The following BCO1 variants were observed in gnomAD, a reference collection of about 807,000 sequenced individuals.
The protein encoded by BCO1 is beta,beta-carotene 15,15'-dioxygenase.
A neutral mutation model predicts 56.3 loss-of-function variants in BCO1; 54 were observed. That is an observed-to-expected ratio of 0.96 (90% CI 0.77 to 1.20). The LOEUF is 1.20. BCO1 is among the 50% of genes most tolerant of loss of function. The pLI, the probability that BCO1 is intolerant of heterozygous loss-of-function variation, is 0.00. For synonymous variants in BCO1, 318 were observed against 266.1 expected, an observed-to-expected ratio of 1.20 and a Z score of -1.90; for missense variants, 801 against 690.9, an observed-to-expected ratio of 1.16 and a Z score of -1.79.
At chr16:81,278,453 G>A (rs1907683691) in intron 7 of BCO1, among the ~76,000 whole-genome samples, 1 of 152,172 alleles carries the variant, frequency 6.6e-6, no homozygotes, top group Non-Finnish European at 1.5e-5. Flanking sequence ...CCCCTTGACA[G>A]CCCAAAGAAA....
At chr16:81,251,852 GCACACACACA>G (rs747747653) in intron 2 of BCO1, among the ~76,000 whole-genome samples, 148 of 140,924 alleles carry the variant, frequency 1.1e-3, no homozygotes, top group Admixed American at 1.7e-3. Context: ...ACACACACAC[GCACACACACA>G]CACACACATA....
At chr16:81,270,477 T>C in intron 7 of BCO1, 61 bp downstream of exon 7, 1 of 1,603,456 alleles carries the variant, frequency 6.2e-7, no homozygotes, top group East Asian at 2.2e-5. Context: ...GGTGGGAAGT[T>C]ACTTTGGCCC....
intron 5 of BCO1, among the ~76,000 whole-genome samples, chr16:81,267,704 T>C (rs1906914854): frequency 6.6e-6 from 1 of 152,060 alleles, no homozygotes. Context: ...GGTTTTCAGA[T>C]TGTATATGGG....
intron 7 of BCO1, among the ~76,000 whole-genome samples, chr16:81,276,838 A>T (rs1907585125): frequency 1.3e-5 from 2 of 152,132 alleles, no homozygotes; most frequent in African/African-American, 4.8e-5. Context: ...AGGCCAAGCC[A>T]GGCAGATCAC....
In BCO1 at chr16:81,287,269, T is replaced by C. The variant is rs769083661; in HGVS notation, c.1303-26T>C. ...AGTATTCTCTCAAACAAGTCATTTATGTGTTTTTCCTCGTTGGATGTACAG... is the reference window on the plus strand; with the variant it reads ...AGTATTCTCTCAAACAAGTCATTTACGTGTTTTTCCTCGTTGGATGTACAG... On this transcript the variant is annotated intron_variant, in intron 9 of 10. Coordinates refer to ENST00000258168, the MANE Select transcript of BCO1 (RefSeq NM_017429.3). 5.3e-6 allele frequency: 8 copies of C among 1,499,902 alleles called. No homozygotes were observed. In the Admixed American group the frequency reaches 6.7e-5, roughly 13 times the overall value. 92.9% of individuals were successfully genotyped at this position (1,499,902 alleles called of 1,614,324 possible).
intron 2 of BCO1, 113 bp downstream of exon 2, chr16:81,245,716 G>C (rs144914728): frequency 2.2e-6 from 3 of 1,372,018 alleles, no homozygotes; most frequent in Admixed American, 3.9e-5. Context: ...AGTCTAAATC[G>C]GGTCTCACTG....
chr16:81,244,062 C>T (rs1393978085), intron 1 of BCO1, among the ~76,000 whole-genome samples: 2 of 152,226 alleles, frequency 1.3e-5, no homozygotes, highest in Non-Finnish European at 2.9e-5. Context: ...GGGGCATTAC[C>T]TATCCGAGGT....
chr16:81,258,656 A>T (rs982012287), intron 2 of BCO1, among the ~76,000 whole-genome samples: 10 of 152,246 alleles, frequency 6.6e-5, no homozygotes, highest in Non-Finnish European at 2.9e-5. Context: ...ACCCTGGGCA[A>T]GGTGAAAGAA....
At chr16:81,239,607 C>G (rs2151922136) in intron 1 of BCO1, among the ~76,000 whole-genome samples, 1 of 152,196 alleles carries the variant, frequency 6.6e-6, no homozygotes, top group African/African-American at 2.4e-5. Flanking sequence ...TGTATGCATT[C>G]TAAATTAGTT....
intron 2 of BCO1, among the ~76,000 whole-genome samples, chr16:81,248,324 A>G (rs1905551102): frequency 6.9e-6 from 1 of 145,894 alleles, no homozygotes. Flanking sequence ...AATCGCTTGA[A>G]CTCGGGAGGC....
At chr16:81,264,880 T>TGTG in intron 5 of BCO1, 93 bp downstream of exon 5, 1 of 1,414,448 alleles carries the variant, frequency 7.1e-7, no homozygotes, top group Non-Finnish European at 1.0e-6. Flanking sequence ...CAAGATCCAG[T>TGTG]GTGGTACTTT....
At chr16:81,267,535 C>A (rs957002492) in intron 5 of BCO1, among the ~76,000 whole-genome samples, 2 of 152,176 alleles carry the variant, frequency 1.3e-5, no homozygotes, top group Admixed American at 1.3e-4. Flanking sequence ...ATTGCTTGAA[C>A]CTGGGAGGCG....
intron 2 of BCO1, among the ~76,000 whole-genome samples, chr16:81,252,385 G>T (rs1037486341): frequency 6.6e-6 from 1 of 151,824 alleles, no homozygotes; most frequent in Non-Finnish European, 1.5e-5. Context: ...CCTCCCGAGT[G>T]GCTGGGATTA....
chr16:81,279,325 G>A (rs1371268294), intron 7 of BCO1, among the ~76,000 whole-genome samples: 1 of 152,070 alleles, frequency 6.6e-6, no homozygotes, highest in African/African-American at 2.4e-5. Flanking sequence ...GTAGAGAAAA[G>A]TTTAAATGAG....
chr16:81,282,016 C>T (rs903728591), intron 8 of BCO1, among the ~76,000 whole-genome samples: 3 of 152,218 alleles, frequency 2.0e-5, no homozygotes, highest in East Asian at 1.9e-4. Flanking sequence ...GTGTTCCATA[C>T]GCCAAAGTGC....
chr16:81,244,900 G>A (rs556026338), intron 1 of BCO1, among the ~76,000 whole-genome samples: 2 of 151,452 alleles, frequency 1.3e-5, no homozygotes, highest in African/African-American at 4.9e-5. Flanking sequence ...TTTTTGGGGG[G>A]TTTTTTTGAC....
intron 4 of BCO1, chr16:81,262,799 C>T (rs1906569964): frequency 2.5e-5 from 4 of 161,578 alleles, no homozygotes; most frequent in South Asian, 3.4e-4. Flanking sequence ...TGCACTCCAG[C>T]CTGCATGACA....
intron 7 of BCO1, among the ~76,000 whole-genome samples, chr16:81,270,986 C>T (rs1907174961): frequency 6.6e-6 from 1 of 152,182 alleles, no homozygotes. Flanking sequence ...CCTCGTGATC[C>T]ACCCGCCTCG....
intron 10 of BCO1, 137 bp downstream of exon 10, chr16:81,287,543 G>A: frequency 1.3e-6 from 1 of 741,266 alleles, no homozygotes; most frequent in Middle Eastern, 3.6e-4. Flanking sequence ...ACATCTGTCT[G>A]GGTCAAAGCT....
Sources: gnomAD v4.1 joint callset for allele counts (sites outside exome capture counted in the v4.1 genomes callset) on GRCh38, gnomAD v4.1.1 for gene constraint, MANE v1.5 for transcripts, NCBI Gene and HGNC (gene_info 2026-07-23, HGNC 2026-07-21) for gene names.